CDH8: variants seen among roughly 807,000 people sequenced by gnomAD.
CDH8 encodes the protein cadherin-8.
A neutral mutation model predicts 68.1 loss-of-function variants in CDH8; 17 were observed. That is an observed-to-expected ratio of 0.25 (90% CI 0.17 to 0.37). The LOEUF is 0.37. CDH8 is among the 10% of genes least tolerant of loss of function. CDH8 has a pLI of 1.00. For missense variants in CDH8, 763 were observed against 999.3 expected (o/e 0.76, Z 3.19); for synonymous variants, 372 against 365.1 (o/e 1.02, Z -0.21).
chr16:61,852,029 G>C (rs1962948321), intron 4 of CDH8, among the ~76,000 whole-genome samples: 2 of 152,036 alleles, frequency 1.3e-5, no homozygotes, highest in African/African-American at 4.8e-5. Context: ...GTAAAAGTGA[G>C]ATGACACTAA....
At chr16:61,919,972 T>C (rs1321434647) in intron 2 of CDH8, among the ~76,000 whole-genome samples, 1 of 152,024 alleles carries the variant, frequency 6.6e-6, no homozygotes, top group Non-Finnish European at 1.5e-5. Flanking sequence ...ATCTGATCTT[T>C]GACAAACCTG....
chr16:61,728,514 T>A (rs1309239753), intron 8 of CDH8, among the ~76,000 whole-genome samples: 1 of 151,094 alleles, frequency 6.6e-6, no homozygotes, highest in Non-Finnish European at 1.5e-5. Context: ...ATACCCTTTT[T>A]AAATATATAT....
At chr16:61,706,461 CA>C (rs527236626) in intron 10 of CDH8, among the ~76,000 whole-genome samples, 9 of 147,720 alleles carry the variant, frequency 6.1e-5, no homozygotes, top group Admixed American at 6.7e-5. Flanking sequence ...ACTAAAAATG[CA>C]AAAAAAAAAT....
At chr16:61,988,970 A>AT (rs1241678548) in intron 2 of CDH8, among the ~76,000 whole-genome samples, 1 of 152,166 alleles carries the variant, frequency 6.6e-6, no homozygotes, top group African/African-American at 2.4e-5. Context: ...CAAGAAAAAA[A>AT]TGAGAGGGTC....
chr16:61,969,001 C>A (rs1240381156), intron 2 of CDH8, among the ~76,000 whole-genome samples: 1 of 152,146 alleles, frequency 6.6e-6, no homozygotes, highest in Non-Finnish European at 1.5e-5. Context: ...TGCTCAGAGT[C>A]CAAGATTCTT....
chr16:61,698,103 T>A (rs1158372413), intron 10 of CDH8, among the ~76,000 whole-genome samples: 1 of 152,224 alleles, frequency 6.6e-6, no homozygotes, highest in Non-Finnish European at 1.5e-5. Context: ...AAAAAAGCTC[T>A]TTTGTGTGAA....
At chr16:61,825,480 T>C (rs936521213) in intron 4 of CDH8, among the ~76,000 whole-genome samples, 2 of 151,854 alleles carry the variant, frequency 1.3e-5, no homozygotes, top group African/African-American at 4.8e-5. Context: ...ATAATGTATA[T>C]CATAACACAG....
chr16:61,898,333 GA>G (rs200132187), intron 3 of CDH8, among the ~76,000 whole-genome samples: 7 of 150,246 alleles, frequency 4.7e-5, no homozygotes, highest in Non-Finnish European at 8.9e-5. Flanking sequence ...TGATAAGAAG[GA>G]AAAAAAAATA....
At chr16:61,679,311 C>G (rs1963971114) in intron 10 of CDH8, among the ~76,000 whole-genome samples, 1 of 152,102 alleles carries the variant, frequency 6.6e-6, no homozygotes, top group Middle Eastern at 3.4e-3. Flanking sequence ...TGTCAAATCT[C>G]TGAGATGGGA....
At chr16:61,782,812 C>A (rs1034191111) in intron 8 of CDH8, among the ~76,000 whole-genome samples, 2 of 152,022 alleles carry the variant, frequency 1.3e-5, no homozygotes, top group Admixed American at 6.5e-5. Flanking sequence ...CTGGGAGGCA[C>A]CCCCCAGCAG....
intron 1 of CDH8, among the ~76,000 whole-genome samples, chr16:62,024,323 G>A (rs148848306): frequency 6.6e-6 from 1 of 152,196 alleles, no homozygotes; most frequent in African/African-American, 2.4e-5. Flanking sequence ...TGGTTTTGAG[G>A]ACTAAAGGAG....
chr16:61,801,935 C>T (rs1205473708), intron 7 of CDH8, among the ~76,000 whole-genome samples: 5 of 142,456 alleles, frequency 3.5e-5, no homozygotes, highest in East Asian at 2.0e-4. Context: ...ACAAAGCAGC[C>T]GGGAAGCTCC....
rs1902451219 is a variant in CDH8 at position 62,036,091 on chromosome 16, C to G, written c.-211G>C. On this transcript the variant is annotated 5_prime_UTR_variant, in exon 1 of 12. Transcript: ENST00000577390. ...AGGGGAACACTTACTCTTGTGGGGC[C>G]CTGCGCTGGCGAATGTCAAGCCTCC... 7 of 152,390 alleles carry G rather than the reference C, an allele frequency of 4.6e-5. No individual in the cohort carries two copies. 9.4% of individuals were successfully genotyped at this position (152,390 alleles called of 1,614,324 possible). A position where few individuals can be genotyped will look rare whatever the true frequency, so the allele number is the denominator to read the frequency against.
intron 2 of CDH8, among the ~76,000 whole-genome samples, chr16:61,974,580 G>C (rs1965403302): frequency 2.0e-5 from 3 of 152,150 alleles, no homozygotes; most frequent in Admixed American, 2.0e-4. Context: ...AGACTCAAAA[G>C]AAAGGAAATT....
chr16:61,653,835 T>C lies in CDH8; in HGVS notation c.2173A>G (p.Ile725Val), dbSNP rs1232304948. ...VPNGVDVDEF[I>V]NVRLHEADND... is the part of the protein sequence containing the mutation. ...TCTGCCTCATGCAGCCTTACATTTA[T>C]AAATTCATCGACATCAACACCATTT... The change falls in exon 12 of 12, where the codon ATA becomes GTA. Residue 725 changes from isoleucine to valine, a missense_variant. Ile to Val is a conservative substitution (Grantham distance 29). Coordinates refer to ENST00000577390, the MANE Select transcript of CDH8 (RefSeq NM_001796.5). 20 of 1,614,184 alleles carry C rather than the reference T, an allele frequency of 1.2e-5. No individual in the cohort carries two copies. Among genetic ancestry groups the C allele is most frequent in the Non-Finnish European group, 1.7e-5 (20 of 1,180,042 alleles).
intron 8 of CDH8, among the ~76,000 whole-genome samples, chr16:61,782,327 C>T (rs1236529231): frequency 7.9e-5 from 12 of 152,120 alleles, no homozygotes; most frequent in East Asian, 1.9e-4. Flanking sequence ...AAAGGGGTGA[C>T]GGACGCACCT....
Position 61,705,174 on chromosome 16 carries a change from G to A in CDH8, c.1654+8667C>T, listed in dbSNP as rs1351470109. 3.3e-5 allele frequency among the ~76,000 whole-genome samples: 5 copies of A among 152,230 alleles called. No individual in the cohort carries two copies. The East Asian group carries it at 5.8e-4, about 18-fold the overall frequency. ...ACATTGATTTTGGTGGTACATTAGC[G>A]AACAGATAGAATAGGCAACAGATGG... On this transcript the variant is annotated intron_variant, in intron 10 of 11. Coordinates refer to ENST00000577390, the MANE Select transcript of CDH8 (RefSeq NM_001796.5).
intron 8 of CDH8, among the ~76,000 whole-genome samples, chr16:61,777,736 G>C (rs1340092797): frequency 6.6e-6 from 1 of 152,082 alleles, no homozygotes; most frequent in Non-Finnish European, 1.5e-5. Context: ...TAGCCAGAGA[G>C]TCACAAGGAT....
chr16:61,847,556 ATATAT>A (rs1411518064), intron 4 of CDH8, among the ~76,000 whole-genome samples: 1 of 144,986 alleles, frequency 6.9e-6, no homozygotes. Flanking sequence ...ATATATATAT[ATATAT>A]ATATATATGT....
Sources: allele counts gnomAD v4.1 joint callset (sites outside exome capture counted in the v4.1 genomes callset), GRCh38; gene constraint gnomAD v4.1.1; transcripts MANE v1.5; gene names NCBI Gene and HGNC (gene_info 2026-07-23, HGNC 2026-07-21).